Variants in ADAMTS16 observed in about 807,000 individuals in gnomAD.
The protein encoded by ADAMTS16 is ADAM metallopeptidase with thrombospondin type 1 motif 16, also known as A disintegrin and metalloproteinase with thrombospondin motifs 16.
A neutral mutation model predicts 145.8 loss-of-function variants in ADAMTS16; 94 were observed. That is an observed-to-expected ratio of 0.64 (90% CI 0.55 to 0.77). The LOEUF (loss-of-function observed/expected upper bound fraction) is 0.77, where lower values mean the gene tolerates loss of function less well. ADAMTS16 is among the 30% of genes least tolerant of loss of function. The pLI is 0.00. For missense variants in ADAMTS16, 1,585 were observed against 1,591.5 expected (o/e 1.00, Z 0.07); for synonymous variants, 659 against 604.3 (o/e 1.09, Z -1.33).
chr5:5,157,045 AAAT>A (rs1357090359), intron 3 of ADAMTS16, among the ~76,000 whole-genome samples: 1 of 152,110 alleles, frequency 6.6e-6, no homozygotes, highest in Non-Finnish European at 1.5e-5. Flanking sequence ...ATTCCTTTTA[AAAT>A]AATAACATCC....
At chr5:5,201,559 T>C (rs901959303) in intron 9 of ADAMTS16, among the ~76,000 whole-genome samples, 4 of 151,976 alleles carry the variant, frequency 2.6e-5, no homozygotes, top group Non-Finnish European at 5.9e-5. Flanking sequence ...AAGTAACAGC[T>C]TTAATGAGCT....
chr5:5,167,714 T>C (rs762060200), intron 3 of ADAMTS16, among the ~76,000 whole-genome samples: 7 of 152,234 alleles, frequency 4.6e-5, no homozygotes, highest in Non-Finnish European at 1.0e-4. Context: ...CTTTCAAAGA[T>C]GTGTTAATTA....
At chr5:5,259,550 A>G (rs1737924376) in intron 17 of ADAMTS16, among the ~76,000 whole-genome samples, 1 of 152,210 alleles carries the variant, frequency 6.6e-6, no homozygotes, top group Admixed American at 6.5e-5. Flanking sequence ...ATTTATTTTG[A>G]GAGCTTCAAT....
At chr5:5,290,845 G>C (rs939823259) in intron 18 of ADAMTS16, among the ~76,000 whole-genome samples, 7 of 152,018 alleles carry the variant, frequency 4.6e-5, no homozygotes, top group African/African-American at 1.5e-4. Context: ...GACCTGAAAG[G>C]CCTGTTCTTC....
intron 17 of ADAMTS16, among the ~76,000 whole-genome samples, chr5:5,256,401 A>G (rs17714324): frequency 0.013 from 1,960 of 152,382 alleles, 17 homozygotes; most frequent in Middle Eastern, 0.02. Context: ...ATAACTGGCC[A>G]AGGCAAAACT....
chr5:5,185,521 T>A (rs1160255688), intron 4 of ADAMTS16, among the ~76,000 whole-genome samples: 1 of 152,222 alleles, frequency 6.6e-6, no homozygotes, highest in Non-Finnish European at 1.5e-5. Flanking sequence ...AGCTCTTCAG[T>A]GAAGTGGAGC....
At chr5:5,257,016 T>G (rs1445234584) in intron 17 of ADAMTS16, among the ~76,000 whole-genome samples, 1 of 152,048 alleles carries the variant, frequency 6.6e-6, no homozygotes, top group South Asian at 2.1e-4. Flanking sequence ...CTATTACACT[T>G]AAGGAAGTCC....
Position 5,140,549 on chromosome 5 carries a change from G to A in ADAMTS16, c.72+10G>A. ...GCAGGTGGCCGAGCAGGTGAGTCCCGGGCGCTCCCACCAGCGCGGAAACCG... is the reference window on the plus strand; with the variant it reads ...GCAGGTGGCCGAGCAGGTGAGTCCCAGGCGCTCCCACCAGCGCGGAAACCG... On this transcript the variant is annotated intron_variant, in intron 1 of 22. Transcript: ENST00000274181. 2.0e-6 allele frequency: 3 copies of A among 1,507,552 alleles called. No individual in the cohort carries two copies. The highest frequency in any genetic ancestry group is 2.6e-6 in the Non-Finnish European group (3 of 1,137,126). The allele number at this position is 1,507,552 out of a possible 1,614,324, so 93.4% of individuals were successfully genotyped here.
chr5:5,164,067 A>T (rs1284923441), intron 3 of ADAMTS16, among the ~76,000 whole-genome samples: 1 of 152,194 alleles, frequency 6.6e-6, no homozygotes, highest in Non-Finnish European at 1.5e-5. Flanking sequence ...TTCTGAGATG[A>T]TTCCCACAGA....
intron 18 of ADAMTS16, among the ~76,000 whole-genome samples, chr5:5,272,530 T>G (rs1180136842): frequency 2.0e-5 from 3 of 150,462 alleles, no homozygotes; most frequent in Admixed American, 2.0e-4. Flanking sequence ...CCTGGCTAAT[T>G]TTTTTTTTGT....
At chr5:5,305,263 AATCCCACACCACACACACAC>A (rs1561000708) in intron 20 of ADAMTS16, among the ~76,000 whole-genome samples, 3 of 34,950 alleles carry the variant, frequency 8.6e-5, no homozygotes, top group South Asian at 2.4e-3. Flanking sequence ...CCACACACAC[AATCCCACACCACACACACAC>A]ATCCCACACC....
rs74739188 is a variant in ADAMTS16 at position 5,175,850 on chromosome 5, G to A, written c.502-6194G>A. ...GTTCTCTCCCTCCCACAATCACACA[G>A]ATTCTGTCTGTGCCATGTGGCCACT... On this transcript the variant is annotated intron_variant, in intron 3 of 22. Transcript: ENST00000274181. 2.4e-3 allele frequency: 366 copies of A among 152,480 alleles called. 2 individuals are homozygous for A. Among genetic ancestry groups the A allele is most frequent in the African/African-American group, 8.4e-3 (351 of 41,544 alleles). The allele number at this position is 152,480 out of a possible 1,614,324, so 9.4% of individuals were successfully genotyped here. A position where few individuals can be genotyped will look rare whatever the true frequency, so the allele number is the denominator to read the frequency against.
At chr5:5,289,073 G>C (rs867541370) in intron 18 of ADAMTS16, among the ~76,000 whole-genome samples, 43 of 152,360 alleles carry the variant, frequency 2.8e-4, no homozygotes, top group African/African-American at 9.6e-4. Flanking sequence ...AGGCCCTGGA[G>C]CTGGGCTTCC....
intron 20 of ADAMTS16, 57 bp from the exon 21 acceptor site, chr5:5,306,447 A>G: frequency 1.3e-6 from 2 of 1,502,512 alleles, no homozygotes; most frequent in Non-Finnish European, 1.8e-6. Flanking sequence ...TTTAACCCAC[A>G]GATTTTGCAA....
chr5:5,158,531 G>A (rs1232815506), intron 3 of ADAMTS16, among the ~76,000 whole-genome samples: 1 of 152,194 alleles, frequency 6.6e-6, no homozygotes, highest in Non-Finnish European at 1.5e-5. Flanking sequence ...TCCAAGGAGT[G>A]TCTCTGAGGC....
chr5:5,230,218 G>A (rs79479851), intron 11 of ADAMTS16, among the ~76,000 whole-genome samples: 5 of 152,266 alleles, frequency 3.3e-5, no homozygotes, highest in African/African-American at 4.8e-5. Context: ...CGTGAATTCA[G>A]GAAAAACAGA....
rs147739352 is a variant in ADAMTS16, at chr5:5,183,548, G to A, written c.763+1243G>A. On this transcript the variant is annotated intron_variant, in intron 4 of 22. Transcript: ENST00000274181. ...GAGAGATAGCAGGGCCGTCTTAACC[G>A]CTTTGACAGACCACACACCAAGCTC... is the stretch of plus-strand genomic sequence containing the variant. Among the ~76,000 whole-genome samples the A allele has an allele frequency of 8.5e-5, 13 of 152,328 alleles. No homozygotes were observed. The East Asian group carries it at 1.7e-3, about 20-fold the overall frequency.
At chr5:5,214,531 T>C (rs1045609897) in intron 10 of ADAMTS16, among the ~76,000 whole-genome samples, 1 of 152,092 alleles carries the variant, frequency 6.6e-6, no homozygotes, top group African/African-American at 2.4e-5. Context: ...TCATGCTGAG[T>C]AGCTAGGGTT....
chr5:5,257,561 G>A (rs35648750), intron 17 of ADAMTS16, among the ~76,000 whole-genome samples: 3,357 of 152,360 alleles, frequency 0.022, 42 homozygotes, highest in Non-Finnish European at 0.032. Flanking sequence ...CAACTGGGAT[G>A]CTTTGAGAGG....
Sources: gnomAD v4.1 joint callset for allele counts (sites outside exome capture counted in the v4.1 genomes callset) on GRCh38, gnomAD v4.1.1 for gene constraint, MANE v1.5 for transcripts, NCBI Gene and HGNC (gene_info 2026-07-23, HGNC 2026-07-21) for gene names.